Variants in TMPRSS11F observed in about 807,000 individuals in gnomAD.
TMPRSS11F encodes the protein transmembrane protease serine 11F.
In TMPRSS11F, 47 loss-of-function variants were observed where a neutral mutation model predicts 60.2. The ratio of observed to expected loss-of-function variants is 0.78; its 90% CI spans 0.62 to 1.00. The LOEUF is 1.00. Among genes scored for constraint, TMPRSS11F ranks in the 50% least tolerant of loss-of-function variants. The pLI is 0.00. For synonymous variants in TMPRSS11F, 166 were observed against 167.3 expected (o/e 0.99, Z 0.06); for missense variants, 519 against 522.9 (o/e 0.99, Z 0.07).
intron 1 of TMPRSS11F, among the ~76,000 whole-genome samples, chr4:68,119,878 A>G (rs565955371): frequency 6.6e-6 from 1 of 152,304 alleles, no homozygotes; most frequent in East Asian, 1.9e-4. Flanking sequence ...CTCTCATAGT[A>G]GTAACTGAAA....
chr4:68,075,102 C>A (rs185832921), intron 3 of TMPRSS11F, among the ~76,000 whole-genome samples: 2 of 152,200 alleles, frequency 1.3e-5, no homozygotes, highest in Non-Finnish European at 2.9e-5. Flanking sequence ...CCAATTTCTA[C>A]ATCCTGTCAG....
chr4:68,061,982 G>A lies in TMPRSS11F; in HGVS notation c.1016-2514C>T, dbSNP rs1389619043. 2.6e-5 allele frequency: 12 copies of A among 452,896 alleles called. No homozygotes were observed. The Admixed American group carries it at 2.8e-4, about 11-fold the overall frequency. 28.1% of individuals were successfully genotyped at this position (452,896 alleles called of 1,614,324 possible). A position where few individuals can be genotyped will look rare whatever the true frequency, so the allele number is the denominator to read the frequency against. ...AGATTTAGTGCTATAGAGAGGAACTGAGGCACAATGAAACTAAGTGCACAA... is the reference window on the plus strand; with the variant it reads ...AGATTTAGTGCTATAGAGAGGAACTAAGGCACAATGAAACTAAGTGCACAA... On this transcript the variant is annotated intron_variant, in intron 8 of 9. Transcript: ENST00000356291.
At chr4:68,084,737 C>T (rs1193228112) in intron 3 of TMPRSS11F, among the ~76,000 whole-genome samples, 1 of 151,178 alleles carries the variant, frequency 6.6e-6, no homozygotes, top group African/African-American at 2.4e-5. Flanking sequence ...TTTTTATGTT[C>T]TTTTTTTTTA....
chr4:68,068,476 G>A (rs1723376365), intron 7 of TMPRSS11F, 142 bp downstream of exon 7: 3 of 649,038 alleles, frequency 4.6e-6, no homozygotes, highest in African/African-American at 3.6e-5. Flanking sequence ...CATAGGGGAA[G>A]CATAATCCAT....
At chr4:68,088,080 T>C (rs932616607) in intron 3 of TMPRSS11F, among the ~76,000 whole-genome samples, 6 of 151,994 alleles carry the variant, frequency 3.9e-5, no homozygotes, top group African/African-American at 1.2e-4. Flanking sequence ...TAGTATTCCA[T>C]GGTGTATATA....
intron 2 of TMPRSS11F, among the ~76,000 whole-genome samples, chr4:68,097,191 T>C (rs1724091501): frequency 6.6e-6 from 1 of 152,214 alleles, no homozygotes; most frequent in African/African-American, 2.4e-5. Context: ...ATTGCTGCTA[T>C]AACAAATTAC....
intron 7 of TMPRSS11F, 35 bp downstream of exon 7, chr4:68,068,583 G>T (rs1378032951): frequency 6.3e-7 from 1 of 1,587,932 alleles, no homozygotes; most frequent in African/African-American, 1.3e-5. Context: ...TGAGGACTGT[G>T]AAAAGAAGGC....
At chr4:68,099,278 G>C (rs991806030) in intron 1 of TMPRSS11F, among the ~76,000 whole-genome samples, 1 of 152,170 alleles carries the variant, frequency 6.6e-6, no homozygotes, top group African/African-American at 2.4e-5. Context: ...TCTTCCCACG[G>C]CATTTTATCC....
intron 1 of TMPRSS11F, among the ~76,000 whole-genome samples, chr4:68,100,706 T>C (rs1724175089): frequency 6.6e-6 from 1 of 152,148 alleles, no homozygotes; most frequent in South Asian, 2.1e-4. Context: ...TGGGTCTGGG[T>C]CTGAACCAAA....
intron 1 of TMPRSS11F, among the ~76,000 whole-genome samples, chr4:68,099,826 T>C (rs910526478): frequency 4.6e-5 from 7 of 152,124 alleles, no homozygotes; most frequent in African/African-American, 1.7e-4. Flanking sequence ...GATCCCTAAA[T>C]GTATACAGAT....
intron 3 of TMPRSS11F, among the ~76,000 whole-genome samples, chr4:68,087,296 T>A (rs113970710): frequency 0.04 from 6,136 of 152,200 alleles, 370 homozygotes; most frequent in African/African-American, 0.13. Flanking sequence ...AAAAAGCTTT[T>A]GATAAAATCC....
At chr4:68,078,000 G>A (rs1255043554) in intron 3 of TMPRSS11F, among the ~76,000 whole-genome samples, 2 of 152,110 alleles carry the variant, frequency 1.3e-5, no homozygotes, top group African/African-American at 2.4e-5. Context: ...AGACGGAAGC[G>A]GAGACAGGAG....
chr4:68,068,580 T>C, intron 7 of TMPRSS11F, 38 bp downstream of exon 7: 1 of 1,561,804 alleles, frequency 6.4e-7, no homozygotes, highest in Non-Finnish European at 8.8e-7. Flanking sequence ...AGATGAGGAC[T>C]GTGAAAAGAA....
At chr4:68,126,289 C>T (rs900785807) in intron 1 of TMPRSS11F, among the ~76,000 whole-genome samples, 1 of 152,070 alleles carries the variant, frequency 6.6e-6, no homozygotes. Context: ...TAATGTGCTA[C>T]TAGTATACTA....
intron 1 of TMPRSS11F, among the ~76,000 whole-genome samples, chr4:68,113,110 C>T (rs1724442311): frequency 6.6e-6 from 1 of 152,080 alleles, no homozygotes; most frequent in Non-Finnish European, 1.5e-5. Flanking sequence ...AAACATGACT[C>T]AACAAATTAA....
intron 1 of TMPRSS11F, among the ~76,000 whole-genome samples, chr4:68,117,185 T>C (rs1291346726): frequency 2.6e-5 from 4 of 151,884 alleles, no homozygotes; most frequent in African/African-American, 9.7e-5. Flanking sequence ...ATGGACAAAT[T>C]GGCCAGGCGC....
chr4:68,124,233 A>AC (rs1049788455), intron 1 of TMPRSS11F, among the ~76,000 whole-genome samples: 2 of 151,800 alleles, frequency 1.3e-5, no homozygotes, highest in Non-Finnish European at 1.5e-5. Context: ...AAAAAAAAAA[A>AC]AACAAACCTT....
At chr4:68,093,461 C>G (rs10011616) in intron 2 of TMPRSS11F, among the ~76,000 whole-genome samples, 64,020 of 151,760 alleles carry the variant, frequency 0.42, 14,316 homozygotes, top group Non-Finnish European at 0.52. Flanking sequence ...GAAAACCTAG[C>G]CATTATCATT....
rs142081754 is a variant in TMPRSS11F, at chr4:68,057,818, C to A, written c.1158+1508G>T. Among the ~76,000 whole-genome samples, 254 of 152,002 alleles carry A rather than the reference C, an allele frequency of 1.7e-3. 2 individuals are homozygous for A. The highest frequency in any genetic ancestry group is 6.0e-3 in the African/African-American group (248 of 41,512). Reference sequence around the variant, plus strand: ...TAAACCACCTAAGTGGAATCAACCTCAGTGTTCATCAATGTGTGAAGAGAT... The same window carrying A: ...TAAACCACCTAAGTGGAATCAACCTAAGTGTTCATCAATGTGTGAAGAGAT... On this transcript the variant is annotated intron_variant, in intron 9 of 9. Coordinates refer to ENST00000356291, the MANE Select transcript of TMPRSS11F (RefSeq NM_207407.2).
Sources: allele counts gnomAD v4.1 joint callset (sites outside exome capture counted in the v4.1 genomes callset), GRCh38; gene constraint gnomAD v4.1.1; transcripts MANE v1.5; gene names NCBI Gene and HGNC (gene_info 2026-07-23, HGNC 2026-07-21).